The following ELMO1 variants were observed in gnomAD, a reference collection of about 807,000 sequenced individuals.
ELMO1 encodes engulfment and cell motility protein 1.
Under a neutral mutation model 98.9 loss-of-function variants are expected in ELMO1, and 26 were observed. The ratio of observed to expected loss-of-function variants is 0.26; its 90% CI spans 0.19 to 0.36. The LOEUF (loss-of-function observed/expected upper bound fraction) is 0.36, where lower values mean the gene tolerates loss of function less well. Among genes scored for constraint, ELMO1 ranks in the 10% least tolerant of loss-of-function variants. The probability of loss-of-function intolerance (pLI) is 1.00; values close to 1 mark genes in which losing one functional copy is unlikely to be tolerated. For synonymous variants in ELMO1, 346 were observed against 346.0 expected (o/e 1.00, Z 0.00); for missense variants, 627 against 935.2 (o/e 0.67, Z 4.30).
At chr7:36,988,522 A>T (rs1791663047) in intron 16 of ELMO1, among the ~76,000 whole-genome samples, 1 of 152,242 alleles carries the variant, frequency 6.6e-6, no homozygotes, top group Admixed American at 6.5e-5. Context: ...AGAGGAGGCA[A>T]AAATATTAAG....
chr7:37,355,694 G>A (rs541474690), intron 1 of ELMO1, among the ~76,000 whole-genome samples: 1 of 152,330 alleles, frequency 6.6e-6, no homozygotes, highest in South Asian at 2.1e-4. Flanking sequence ...TGGAAAATAA[G>A]AGAACCATTT....
intron 15 of ELMO1, among the ~76,000 whole-genome samples, chr7:37,015,217 T>A (rs1377961695): frequency 6.7e-6 from 1 of 149,562 alleles, no homozygotes; most frequent in African/African-American, 2.5e-5. Context: ...GGGGGTGGGG[T>A]GGGGGGACAG....
At position 36,855,775 on chromosome 7, in the gene ELMO1, G is replaced by C; in HGVS notation, c.1984-24C>G. ...TACTGGCAGGAAGGGAGGCAACAGC[G>C]ATCATTACTGGTGGCAATTACAGAA... On this transcript the variant is annotated intron_variant, in intron 21 of 21. Coordinates refer to ENST00000310758, the MANE Select transcript of ELMO1 (RefSeq NM_014800.11). The surrounding 1 kb of genome is among the most constrained non-coding windows in gnomAD (Gnocchi z 4.2). 2 of 1,613,194 alleles carry C rather than the reference G, an allele frequency of 1.2e-6. No homozygotes were observed. The highest frequency in any genetic ancestry group is 2.2e-5 in the South Asian group (2 of 91,044).
intron 16 of ELMO1, among the ~76,000 whole-genome samples, chr7:36,896,265 C>T (rs1159992864): frequency 1.3e-5 from 2 of 152,032 alleles, no homozygotes; most frequent in African/African-American, 2.4e-5. Flanking sequence ...GATGACTTGC[C>T]CCAAGTCACA....
intron 16 of ELMO1, among the ~76,000 whole-genome samples, chr7:36,937,987 C>T (rs909973858): frequency 2.0e-5 from 3 of 152,162 alleles, no homozygotes; most frequent in Admixed American, 1.3e-4. Flanking sequence ...TGCTTATGGT[C>T]GCATCCAGGA....
intron 16 of ELMO1, among the ~76,000 whole-genome samples, chr7:36,939,398 T>G (rs1258637494): frequency 6.7e-6 from 1 of 149,266 alleles, no homozygotes; most frequent in Non-Finnish European, 1.5e-5. Flanking sequence ...CTAGTCAGGC[T>G]AGGGGTTCAT....
chr7:36,967,666 T>C (rs1789563531), intron 16 of ELMO1, among the ~76,000 whole-genome samples: 1 of 152,188 alleles, frequency 6.6e-6, no homozygotes. Context: ...GAGTTTCTGG[T>C]AGGGATTCAG....
At chr7:36,868,091 C>G (rs76985190) in intron 20 of ELMO1, among the ~76,000 whole-genome samples, 2,742 of 152,172 alleles carry the variant, frequency 0.018, 30 homozygotes, top group Non-Finnish European at 0.026. Context: ...TGATTACTGA[C>G]CAAGGGAAGT....
chr7:37,312,252 C>T (rs1453334159), intron 4 of ELMO1, among the ~76,000 whole-genome samples: 2 of 152,188 alleles, frequency 1.3e-5, no homozygotes, highest in Non-Finnish European at 1.5e-5. Flanking sequence ...CCACACCCAA[C>T]TAATTTTTGT....
chr7:36,998,882 A>G (rs1411342938), intron 16 of ELMO1, among the ~76,000 whole-genome samples: 2 of 152,154 alleles, frequency 1.3e-5, no homozygotes, highest in African/African-American at 4.8e-5. Context: ...CAATGACTTC[A>G]GAAACCGAGC....
chr7:36,882,844 C>T (rs1804595536), intron 18 of ELMO1, among the ~76,000 whole-genome samples: 1 of 152,258 alleles, frequency 6.6e-6, no homozygotes, highest in African/African-American at 2.4e-5. Flanking sequence ...GTCCACACTA[C>T]TGTCCCTCCA....
intron 1 of ELMO1, among the ~76,000 whole-genome samples, chr7:37,442,276 A>G (rs1362084688): frequency 6.6e-6 from 1 of 152,216 alleles, no homozygotes; most frequent in Admixed American, 6.5e-5. Flanking sequence ...GCCTACAAGT[A>G]GAAAAAGAAC....
Position 36,951,052 on chromosome 7 carries a change from C to T in ELMO1, c.1438-56035G>A, listed in dbSNP as rs375161175. ...AGTCTTTTTGAGCTTATTTCTAAAA[C>T]ATATCTCACAAGTACCTTCTTACCT... On this transcript the variant is annotated intron_variant, in intron 16 of 21. Transcript: ENST00000310758. Among the ~76,000 whole-genome samples, 5 of 152,338 alleles carry T rather than the reference C, an allele frequency of 3.3e-5. No homozygotes were observed. In the East Asian group the frequency reaches 5.8e-4, roughly 18 times the overall value.
chr7:37,052,273 C>G (rs918715081), intron 15 of ELMO1, among the ~76,000 whole-genome samples: 32 of 152,148 alleles, frequency 2.1e-4, no homozygotes, highest in African/African-American at 7.0e-4. Flanking sequence ...CTTTTGTTGT[C>G]AAGTTATTCC....
intron 15 of ELMO1, among the ~76,000 whole-genome samples, chr7:37,095,756 A>C (rs1318054613): frequency 6.6e-6 from 1 of 152,208 alleles, no homozygotes; most frequent in Admixed American, 6.5e-5. Context: ...ATTTCAGGCC[A>C]TTATTTTAAG....
At chr7:37,204,576 C>T (rs748377791) in intron 13 of ELMO1, among the ~76,000 whole-genome samples, 23 of 152,162 alleles carry the variant, frequency 1.5e-4, no homozygotes, top group Non-Finnish European at 2.5e-4. Flanking sequence ...GCATGGAAGG[C>T]GACCCAAAGG....
At chr7:36,908,965 G>A (rs1286243715) in intron 16 of ELMO1, among the ~76,000 whole-genome samples, 1 of 152,110 alleles carries the variant, frequency 6.6e-6, no homozygotes, top group East Asian at 1.9e-4. Flanking sequence ...ACCAAATAGG[G>A]ACTATCCTTT....
chr7:37,175,778 C>T (rs375327214), intron 13 of ELMO1, among the ~76,000 whole-genome samples: 6 of 151,886 alleles, frequency 4.0e-5, no homozygotes, highest in Non-Finnish European at 5.9e-5. Flanking sequence ...ACCCAGGAGG[C>T]GGAGGTTGCA....
At chr7:37,302,627 G>A (rs1434095766) in intron 4 of ELMO1, among the ~76,000 whole-genome samples, 1 of 152,066 alleles carries the variant, frequency 6.6e-6, no homozygotes, top group East Asian at 1.9e-4. Flanking sequence ...CTAGCCCCCA[G>A]CTATTCATGT....
Sources: gnomAD v4.1 joint callset for allele counts (sites outside exome capture counted in the v4.1 genomes callset) on GRCh38, gnomAD v4.1.1 for gene constraint, Gnocchi (gnomAD v3.1) non-coding constraint, MANE v1.5 for transcripts, NCBI Gene and HGNC (gene_info 2026-07-23, HGNC 2026-07-21) for gene names.